UST: variants seen among roughly 807,000 people sequenced by gnomAD.
UST encodes uronyl 2-sulfotransferase.
A neutral mutation model predicts 45.6 loss-of-function variants in UST; 21 were observed. The ratio of observed to expected loss-of-function variants is 0.46; its 90% confidence interval spans 0.33 to 0.66. The LOEUF is 0.66. UST is among the 30% of genes least tolerant of loss of function. The pLI is 0.02. For synonymous variants in UST, 215 were observed against 200.6 expected (o/e 1.07, Z -0.61); for missense variants, 463 against 512.4 (o/e 0.90, Z 0.93).
At chr6:148,938,336 A>AT (rs1269255233) in intron 2 of UST, among the ~76,000 whole-genome samples, 1 of 152,220 alleles carries the variant, frequency 6.6e-6, no homozygotes, top group Non-Finnish European at 1.5e-5. Context: ...GGTATTACTC[A>AT]TAAGAAAAAA....
At chr6:148,949,388 T>C (rs1780316223) in intron 3 of UST, among the ~76,000 whole-genome samples, 1 of 139,558 alleles carries the variant, frequency 7.2e-6, no homozygotes, top group Non-Finnish European at 1.5e-5. Context: ...GCAGAGACTT[T>C]GTCTCAAAAT....
At chr6:148,765,490 A>T (rs113221257) in intron 1 of UST, among the ~76,000 whole-genome samples, 5,703 of 152,240 alleles carry the variant, frequency 0.037, 363 homozygotes, top group African/African-American at 0.13. Context: ...GTTTTTTCTA[A>T]TTCTGTGAAA....
At chr6:148,911,169 C>T (rs979618397) in intron 2 of UST, among the ~76,000 whole-genome samples, 1 of 152,172 alleles carries the variant, frequency 6.6e-6, no homozygotes, top group African/African-American at 2.4e-5. Flanking sequence ...CAGAAATGTT[C>T]TTATCATGAA....
intron 2 of UST, among the ~76,000 whole-genome samples, chr6:148,931,441 G>T (rs1029292515): frequency 2.6e-5 from 4 of 152,160 alleles, no homozygotes; most frequent in Non-Finnish European, 4.4e-5. Context: ...AAGTGTGTGG[G>T]TCTAGTGGAG....
chr6:148,941,577 G>A (rs1328985573), intron 3 of UST, 143 bp downstream of exon 3: 4 of 998,552 alleles, frequency 4.0e-6, no homozygotes, highest in Non-Finnish European at 5.7e-6. Context: ...GCCAGAGTGT[G>A]GAAGGAAATT....
intron 2 of UST, among the ~76,000 whole-genome samples, chr6:148,895,872 T>C (rs578108336): frequency 1.1e-4 from 16 of 152,378 alleles, no homozygotes; most frequent in South Asian, 4.1e-4. Context: ...AATGGACTAA[T>C]ACACAAAACT....
intron 1 of UST, among the ~76,000 whole-genome samples, chr6:148,751,633 T>C (rs1022994237): frequency 2.0e-5 from 3 of 152,192 alleles, no homozygotes; most frequent in African/African-American, 7.2e-5. Flanking sequence ...TTTCCCACCC[T>C]GAGATTGGGT....
intron 1 of UST, among the ~76,000 whole-genome samples, chr6:148,784,471 G>A (rs934901220): frequency 3.9e-5 from 6 of 152,230 alleles, no homozygotes; most frequent in Admixed American, 1.3e-4. Context: ...CAGTGAGTGA[G>A]CTGTGTACCC....
chr6:149,043,062 C>T (rs926548934), intron 7 of UST, among the ~76,000 whole-genome samples: 14 of 112,098 alleles, frequency 1.2e-4, no homozygotes, highest in African/African-American at 3.7e-4. Context: ...TCCTTCTTTC[C>T]TTCTTTCTTT....
intron 1 of UST, among the ~76,000 whole-genome samples, chr6:148,780,081 A>G (rs202104481): frequency 2.2e-4 from 7 of 31,484 alleles, no homozygotes; most frequent in Admixed American, 5.7e-4. Context: ...ATGTGTGTGT[A>G]TATATATACA....
intron 7 of UST, among the ~76,000 whole-genome samples, chr6:149,068,708 A>G (rs1009218666): frequency 2.6e-5 from 4 of 152,186 alleles, no homozygotes; most frequent in African/African-American, 9.7e-5. Flanking sequence ...TAGGGTATCC[A>G]TCACCTTGAG....
chr6:148,927,971 C>T (rs1779847809), intron 2 of UST, among the ~76,000 whole-genome samples: 1 of 152,212 alleles, frequency 6.6e-6, no homozygotes, highest in African/African-American at 2.4e-5. Context: ...TAGACATAAG[C>T]AGCTCTCCAT....
intron 1 of UST, among the ~76,000 whole-genome samples, chr6:148,764,840 A>G (rs972108597): frequency 2.6e-5 from 4 of 152,210 alleles, no homozygotes; most frequent in African/African-American, 9.6e-5. Context: ...TCAGGGTTCA[A>G]GAGCAGAGAA....
At position 148,909,751 on chromosome 6, in the gene UST, C is replaced by T. The variant is rs576441817; in HGVS notation, c.291+22722C>T. 6.6e-4 allele frequency among the ~76,000 whole-genome samples: 100 copies of T among 152,212 alleles called. 2 individuals are homozygous for T. The highest frequency in any genetic ancestry group is 5.2e-3 in the Admixed American group (79 of 15,288). On this transcript the variant is annotated intron_variant, in intron 2 of 7. Transcript: ENST00000367463. ...TTCTAAGTGATTACTTTGCTTTGCT[C>T]GAAGTATCTATATGAAGATAAATCT...
intron 5 of UST, among the ~76,000 whole-genome samples, chr6:148,996,372 C>T (rs1466396206): frequency 6.6e-6 from 1 of 152,178 alleles, no homozygotes. Context: ...GCACTTGCCA[C>T]CATGCCCAGC....
At chr6:148,817,505 T>G (rs1389659802) in intron 1 of UST, among the ~76,000 whole-genome samples, 1 of 152,120 alleles carries the variant, frequency 6.6e-6, no homozygotes, top group Non-Finnish European at 1.5e-5. Flanking sequence ...TGAAATCAGG[T>G]ACATTAAGAA....
chr6:148,791,677 T>G (rs1241190940), intron 1 of UST, among the ~76,000 whole-genome samples: 1 of 152,190 alleles, frequency 6.6e-6, no homozygotes, highest in Non-Finnish European at 1.5e-5. Flanking sequence ...AGATTTTCTG[T>G]TTTTCTTGGG....
chr6:148,909,937 G>A (rs1779441389), intron 2 of UST, among the ~76,000 whole-genome samples: 1 of 152,156 alleles, frequency 6.6e-6, no homozygotes, highest in Non-Finnish European at 1.5e-5. Flanking sequence ...AATATAGAAA[G>A]AACTAGCAAA....
At chr6:148,977,080 G>A (rs922234077) in intron 5 of UST, among the ~76,000 whole-genome samples, 2 of 151,678 alleles carry the variant, frequency 1.3e-5, no homozygotes, top group East Asian at 1.9e-4. Context: ...TTTCCAGATG[G>A]CTAACAAACT....
Sources: allele counts gnomAD v4.1 joint callset (sites outside exome capture counted in the v4.1 genomes callset), GRCh38; gene constraint gnomAD v4.1.1; transcripts MANE v1.5; gene names NCBI Gene and HGNC (gene_info 2026-07-23, HGNC 2026-07-21).